The following PCF11 variants were observed in gnomAD, a reference collection of about 807,000 sequenced individuals.
PCF11 encodes pre-mRNA cleavage complex 2 protein Pcf11.
PCF11 carries 19 observed loss-of-function variants against 166.1 expected under a neutral mutation model. The ratio of observed to expected loss-of-function variants is 0.11; its 90% CI spans 0.08 to 0.17. PCF11 has a LOEUF of 0.17. PCF11 is among the 10% of genes least tolerant of loss of function. The pLI is 1.00. For synonymous variants in PCF11, 663 were observed against 644.1 expected (o/e 1.03, Z -0.44); for missense variants, 1,565 against 1,855.5 (o/e 0.84, Z 2.88).
Position 83,157,670 on chromosome 11 carries a change from C to T in PCF11, c.192+39C>T, listed in dbSNP as rs1444358330. 5.8e-6 allele frequency: 9 copies of T among 1,563,940 alleles called. No individual in the cohort carries two copies. In the Admixed American group the frequency reaches 1.5e-4, roughly 26 times the overall value. ...CCGCAGCCTCCTATTACTTCTAATACTCCCTGATTTTAGTGTCAGCCTCAT... is the reference window on the plus strand; with the variant it reads ...CCGCAGCCTCCTATTACTTCTAATATTCCCTGATTTTAGTGTCAGCCTCAT... On this transcript the variant is annotated intron_variant, in intron 1 of 15. Coordinates refer to ENST00000298281, the Ensembl canonical transcript of PCF11.
At chr11:83,183,149 A>T in intron 15 of PCF11, 76 bp downstream of exon 15, 1 of 792,906 alleles carries the variant, frequency 1.3e-6, no homozygotes, top group South Asian at 1.7e-5. Context: ...TTTTTGCATC[A>T]GAGCAATATT....
chr11:83,159,056 C>T (rs1860122639), intron 1 of PCF11, among the ~76,000 whole-genome samples: 1 of 152,014 alleles, frequency 6.6e-6, no homozygotes, highest in South Asian at 2.1e-4. Context: ...TTCAGGTGGT[C>T]CTTTCATAAT....
chr11:83,159,284 T>A (rs190036255), intron 1 of PCF11, among the ~76,000 whole-genome samples: 225 of 152,298 alleles, frequency 1.5e-3, no homozygotes, highest in African/African-American at 5.2e-3. Flanking sequence ...ATCTTGGACA[T>A]GAAAACTTAG....
Position 83,163,867 on chromosome 11 carries a change from GGTAA to G in PCF11, c.507+3_507+6del, listed in dbSNP as rs752379012. 1 of 1,424,722 alleles carries G rather than the reference GGTAA, an allele frequency of 7.0e-7. No individual in the cohort carries two copies. The highest frequency in any genetic ancestry group is 9.5e-7 in the Non-Finnish European group (1 of 1,053,408). The allele number at this position is 1,424,722 out of a possible 1,614,324, so 88.3% of individuals were successfully genotyped here. On this transcript the variant is annotated splice_donor_variant and splice_donor_region_variant and intron_variant, in intron 3 of 15. Coordinates refer to ENST00000298281, the Ensembl canonical transcript of PCF11. LOFTEE classifies it high-confidence loss of function. ...TGAATCCTAAATTTTTAAATAAATC[GGTAA>G]GTTTTAATATGAATAGTAAGTAACA...
chr11:83,161,009 C>T (rs1303804201), intron 1 of PCF11, among the ~76,000 whole-genome samples: 1 of 152,144 alleles, frequency 6.6e-6, no homozygotes, highest in Non-Finnish European at 1.5e-5. Context: ...AAGTAATTTT[C>T]CCTCGCCTCC....
exon 8 of PCF11, chr11:83,168,826 C>A (rs1411251813): frequency 6.2e-7 from 1 of 1,613,552 alleles, no homozygotes; most frequent in Non-Finnish European, 8.5e-7. Context: ...AGTGGGGACA[C>A]CTCTGCGGTT....
Position 83,171,880 on chromosome 11 carries a change from TC to T in PCF11, c.3725del (p.Pro1242HisfsTer28). 6.3e-7 allele frequency: 1 copy of T among 1,597,436 alleles called. No homozygotes were observed. Among genetic ancestry groups the T allele is most frequent in the Non-Finnish European group, 8.6e-7 (1 of 1,164,894 alleles). On this transcript the variant is annotated frameshift_variant, in exon 9 of 16. Coordinates refer to ENST00000298281, the Ensembl canonical transcript of PCF11. LOFTEE classifies it high-confidence loss of function. ...AAGGACAACAGTTTTTACCAGTTCA[TC>T]CACAAAATCCTGGATTTGTTCAGAA... is the stretch of plus-strand genomic sequence containing the variant.
At chr11:83,179,205 T>G (rs1232097656) in intron 11 of PCF11, among the ~76,000 whole-genome samples, 1 of 152,012 alleles carries the variant, frequency 6.6e-6, no homozygotes, top group Non-Finnish European at 1.5e-5. Context: ...GAGGCAATCA[T>G]TTTATTTTTT....
At chr11:83,181,979 T>C (rs777394406) in exon 13 of PCF11, 2 of 1,612,374 alleles carry the variant, frequency 1.2e-6, no homozygotes, top group Non-Finnish European at 8.5e-7. Context: ...AGTTCCAAAG[T>C]GTACCTGCTG....
chr11:83,177,962 A>C (rs567657235), intron 11 of PCF11, 143 bp downstream of exon 11: 1 of 362,700 alleles, frequency 2.8e-6, no homozygotes, highest in Admixed American at 4.5e-5. Context: ...TTTTTTTTTA[A>C]TGTGGTAAAA....
chr11:83,161,280 TTGG>T, intron 1 of PCF11, 44 bp from the exon 2 acceptor site: 1 of 1,480,304 alleles, frequency 6.8e-7, no homozygotes, highest in South Asian at 1.2e-5. Context: ...AAATAATTAT[TTGG>T]TGGTAATTCA....
At chr11:83,166,735 G>A in intron 5 of PCF11, 21 bp downstream of exon 5, 1 of 1,553,812 alleles carries the variant, frequency 6.4e-7, no homozygotes, top group African/African-American at 1.4e-5. Context: ...AACATTTTAA[G>A]TCAAGTGTAG....
intron 2 of PCF11, among the ~76,000 whole-genome samples, chr11:83,162,740 A>C (rs560574085): frequency 4.6e-5 from 7 of 152,144 alleles, no homozygotes; most frequent in Non-Finnish European, 1.0e-4. Context: ...AGTTTTCCCA[A>C]GTCCTAGGTT....
At chr11:83,165,731 A>G (rs1219718284) in exon 5 of PCF11, 8 of 1,613,720 alleles carry the variant, frequency 5.0e-6, no homozygotes, top group African/African-American at 4.0e-5. Flanking sequence ...AATCTGAGAA[A>G]AGCCGTCCAG....
At chr11:83,169,408 G>C (rs770153045) in exon 8 of PCF11, 2 of 1,613,776 alleles carry the variant, frequency 1.2e-6, no homozygotes, top group Admixed American at 1.7e-5. Context: ...AGGGCCTCTG[G>C]GTCAAGGTGG....
intron 9 of PCF11, among the ~76,000 whole-genome samples, chr11:83,173,142 G>T (rs908700512): frequency 6.6e-6 from 1 of 152,148 alleles, no homozygotes; most frequent in Non-Finnish European, 1.5e-5. Flanking sequence ...TCTCCCCTGA[G>T]GTTCAGTTTT....
chr11:83,159,196 CA>C (rs1411189482), intron 1 of PCF11, among the ~76,000 whole-genome samples: 2 of 151,896 alleles, frequency 1.3e-5, no homozygotes, highest in African/African-American at 4.8e-5. Flanking sequence ...GTATGTAAAA[CA>C]GCTTTTTTTT....
At chr11:83,179,406 C>G (rs1343007437) in intron 11 of PCF11, among the ~76,000 whole-genome samples, 2 of 151,874 alleles carry the variant, frequency 1.3e-5, no homozygotes, top group African/African-American at 2.4e-5. Flanking sequence ...CCCATCACCA[C>G]GCCCAGCTAA....
chr11:83,178,909 C>T (rs1187101571), intron 11 of PCF11, among the ~76,000 whole-genome samples: 2 of 152,020 alleles, frequency 1.3e-5, no homozygotes, highest in Non-Finnish European at 2.9e-5. Context: ...GTACAACTCT[C>T]ACTTTATGGA....
Sources: gnomAD v4.1 joint callset for allele counts (sites outside exome capture counted in the v4.1 genomes callset) on GRCh38, gnomAD v4.1.1 for gene constraint, MANE v1.5 for transcripts, NCBI Gene and HGNC (gene_info 2026-07-23, HGNC 2026-07-21) for gene names.